The following SLC39A11 variants were observed in gnomAD, a reference collection of about 807,000 sequenced individuals.
The protein encoded by SLC39A11 is zinc transporter ZIP11.
In SLC39A11, 33 loss-of-function variants were observed where a neutral mutation model predicts 36.1. That is an observed-to-expected ratio of 0.91 (90% CI 0.69 to 1.22). The LOEUF is 1.22. Ranked by LOEUF, SLC39A11 falls within the 50% of genes most tolerant of loss-of-function variation. SLC39A11 has a pLI of 0.00. For missense variants in SLC39A11, 432 were observed against 430.3 expected, an observed-to-expected ratio of 1.00 and a Z score of -0.03; for synonymous variants, 166 against 170.3, an observed-to-expected ratio of 0.97 and a Z score of 0.20.
chr17:73,009,615 A>G (rs1199628038), intron 4 of SLC39A11, among the ~76,000 whole-genome samples: 1 of 152,126 alleles, frequency 6.6e-6, no homozygotes, highest in Non-Finnish European at 1.5e-5. Flanking sequence ...TGGGGGGGTG[A>G]TGAAAATGTG....
chr17:72,784,843 CCT>C (rs1446666953), intron 6 of SLC39A11, among the ~76,000 whole-genome samples: 1 of 147,334 alleles, frequency 6.8e-6, no homozygotes, highest in Admixed American at 7.0e-5. Context: ...GCCAATTAAA[CCT>C]CTTTTTTCTT....
chr17:72,999,285 A>G (rs1375936843), intron 4 of SLC39A11, among the ~76,000 whole-genome samples: 2 of 152,226 alleles, frequency 1.3e-5, no homozygotes, highest in African/African-American at 4.8e-5. Flanking sequence ...GCCATCCTCA[A>G]AAATTTACAT....
At chr17:72,867,664 C>T (rs1006587070) in intron 5 of SLC39A11, among the ~76,000 whole-genome samples, 2 of 151,796 alleles carry the variant, frequency 1.3e-5, no homozygotes, top group Admixed American at 6.6e-5. Context: ...AAATAAAATA[C>T]GAGGAAGGAG....
chr17:72,834,820 T>C (rs1220253669), intron 6 of SLC39A11, among the ~76,000 whole-genome samples: 1 of 152,210 alleles, frequency 6.6e-6, no homozygotes, highest in Non-Finnish European at 1.5e-5. Context: ...GATGGCATAA[T>C]ACAATCGACG....
intron 7 of SLC39A11, among the ~76,000 whole-genome samples, chr17:72,723,287 C>T (rs1193853227): frequency 6.7e-6 from 1 of 149,740 alleles, no homozygotes; most frequent in Admixed American, 6.6e-5. Context: ...TAAAATCCCT[C>T]CCAGGATTTT....
At chr17:72,935,041 T>C (rs2084656279) in intron 5 of SLC39A11, among the ~76,000 whole-genome samples, 1 of 152,178 alleles carries the variant, frequency 6.6e-6, no homozygotes, top group African/African-American at 2.4e-5. Flanking sequence ...TGTAAACATA[T>C]GTTTACACAA....
intron 3 of SLC39A11, among the ~76,000 whole-genome samples, chr17:73,078,780 G>T (rs1346324510): frequency 6.6e-6 from 1 of 151,786 alleles, no homozygotes; most frequent in South Asian, 2.1e-4. Flanking sequence ...TAGCAGGTGT[G>T]AGCCACCATG....
At chr17:72,972,681 G>A (rs916312932) in intron 4 of SLC39A11, among the ~76,000 whole-genome samples, 14 of 152,124 alleles carry the variant, frequency 9.2e-5, no homozygotes, top group African/African-American at 3.1e-4. Context: ...GCCAAACACA[G>A]ATTATTTCCT....
chr17:73,072,569 A>C (rs1296133207), intron 3 of SLC39A11: 2 of 152,254 alleles, frequency 1.3e-5, no homozygotes, highest in African/African-American at 4.8e-5. Flanking sequence ...AAGAAAAAAT[A>C]CAAAAATAAT....
At chr17:72,840,225 T>C (rs1303657824) in intron 6 of SLC39A11, among the ~76,000 whole-genome samples, 1 of 152,182 alleles carries the variant, frequency 6.6e-6, no homozygotes, top group Non-Finnish European at 1.5e-5. Flanking sequence ...AAACCAACTG[T>C]TGTGTGGTTC....
chr17:72,717,581 C>T (rs1027042454), intron 7 of SLC39A11, among the ~76,000 whole-genome samples: 1 of 152,224 alleles, frequency 6.6e-6, no homozygotes, highest in African/African-American at 2.4e-5. Context: ...GGGCACTGTC[C>T]TCTCCGCATG....
intron 4 of SLC39A11, among the ~76,000 whole-genome samples, chr17:73,004,235 A>T (rs917782251): frequency 7.3e-6 from 1 of 137,644 alleles, no homozygotes; most frequent in Non-Finnish European, 1.6e-5. Flanking sequence ...AAGAAAGAAA[A>T]GAAAGAAAGA....
At chr17:72,870,438 T>C (rs1269080688) in intron 5 of SLC39A11, among the ~76,000 whole-genome samples, 2 of 152,258 alleles carry the variant, frequency 1.3e-5, no homozygotes, top group East Asian at 3.8e-4. Context: ...AGAAAATTAT[T>C]CCTGGCTTCA....
chr17:72,914,178 C>T (rs74378187), intron 5 of SLC39A11, among the ~76,000 whole-genome samples: 21,398 of 151,472 alleles, frequency 0.14, 1,836 homozygotes, highest in Non-Finnish European at 0.2. Flanking sequence ...TAGCCAGGCA[C>T]GGTGGCGGGC....
chr17:72,729,432 TATATATATATATATA>T (rs1303859147), intron 7 of SLC39A11, among the ~76,000 whole-genome samples: 41 of 3,456 alleles, frequency 0.012, 4 homozygotes, highest in South Asian at 0.043. Flanking sequence ...TATATATATA[TATATATATATATATA>T]TATATATATA....
intron 5 of SLC39A11, among the ~76,000 whole-genome samples, chr17:72,898,025 G>C (rs2082117162): frequency 6.6e-6 from 1 of 152,156 alleles, no homozygotes; most frequent in African/African-American, 2.4e-5. Flanking sequence ...GAGATGGGGA[G>C]AAACAGGAAC....
At chr17:72,729,426 TA>T (rs1567994498) in intron 7 of SLC39A11, among the ~76,000 whole-genome samples, 344 of 5,298 alleles carry the variant, frequency 0.065, 53 homozygotes, top group African/African-American at 0.11. Flanking sequence ...TATATATATA[TA>T]TATATATATA....
At chr17:72,909,716 G>C (rs967910434) in intron 5 of SLC39A11, among the ~76,000 whole-genome samples, 43 of 151,484 alleles carry the variant, frequency 2.8e-4, no homozygotes, top group African/African-American at 9.5e-4. Flanking sequence ...GAGCCAGTTT[G>C]CTCAACTGTC....
At chr17:72,687,540 G>T (rs929091323) in intron 7 of SLC39A11, among the ~76,000 whole-genome samples, 38 of 152,190 alleles carry the variant, frequency 2.5e-4, no homozygotes, top group African/African-American at 9.2e-4. Context: ...ACCGCGCCTG[G>T]CCAGGAGCAT....
Sources: allele counts gnomAD v4.1 joint callset (sites outside exome capture counted in the v4.1 genomes callset), GRCh38; gene constraint gnomAD v4.1.1; transcripts MANE v1.5; gene names NCBI Gene and HGNC (gene_info 2026-07-23, HGNC 2026-07-21).